CAMK2A: variants seen among roughly 807,000 people sequenced by gnomAD.
The protein encoded by CAMK2A is calcium/calmodulin-dependent protein kinase type II subunit alpha.
A neutral mutation model predicts 79.2 loss-of-function variants in CAMK2A; 7 were observed. That is an observed-to-expected ratio of 0.09 (90% CI 0.05 to 0.17). The LOEUF is 0.17. CAMK2A is among the 10% of genes least tolerant of loss of function. The pLI is 1.00. For missense variants in CAMK2A, 214 were observed against 646.4 expected, an observed-to-expected ratio of 0.33 and a Z score of 7.25; for synonymous variants, 242 against 251.7, an observed-to-expected ratio of 0.96 and a Z score of 0.36.
chr5:150,221,583 C>A lies in CAMK2A; in HGVS notation c.*1127G>T, dbSNP rs948203213. 6 of 398,586 alleles carry A rather than the reference C, an allele frequency of 1.5e-5. No individual in the cohort carries two copies. Among genetic ancestry groups the A allele is most frequent in the Non-Finnish European group, 2.7e-5 (6 of 226,066 alleles). 24.7% of individuals were successfully genotyped at this position (398,586 alleles called of 1,614,324 possible). A position where few individuals can be genotyped will look rare whatever the true frequency, so the allele number is the denominator to read the frequency against. ...GCCTCCCTCCTCCTCTCTGCCCTGA[C>A]TTGCTGTTCCTGAGTCAGTGCTGGC... On this transcript the variant is annotated 3_prime_UTR_variant, in exon 19 of 19. Coordinates refer to ENST00000671881, the MANE Select transcript of CAMK2A (RefSeq NM_015981.4).
chr5:150,239,553 A>G, intron 14 of CAMK2A, 151 bp downstream of exon 14: 2 of 715,876 alleles, frequency 2.8e-6, no homozygotes, highest in Non-Finnish European at 2.5e-6. Context: ...CACACACACA[A>G]CACACATATT....
chr5:150,279,218 G>A (rs1462544043), intron 1 of CAMK2A, among the ~76,000 whole-genome samples: 1 of 146,604 alleles, frequency 6.8e-6, no homozygotes, highest in Non-Finnish European at 1.5e-5. Flanking sequence ...TGGGACCAGT[G>A]GAACTGAGCA....
chr5:150,264,922 C>A, intron 3 of CAMK2A, 34 bp downstream of exon 3: 1 of 1,590,044 alleles, frequency 6.3e-7, no homozygotes, highest in African/African-American at 1.3e-5. Flanking sequence ...CAGGGCCTGG[C>A]TCCCCTGCGC....
In CAMK2A at chr5:150,226,810, G is replaced by GT. The variant is rs111420455; in HGVS notation, c.1237+1381dup. 8.2e-3 allele frequency among the ~76,000 whole-genome samples: 1,163 copies of GT among 141,580 alleles called. 14 individuals carry two copies. Among genetic ancestry groups the GT allele is most frequent in the African/African-American group, 0.028 (1,093 of 38,518 alleles). 92.9% of individuals were successfully genotyped at this position (141,580 alleles called of 152,430 possible). A position where few individuals can be genotyped will look rare whatever the true frequency, so the allele number is the denominator to read the frequency against. On this transcript the variant is annotated intron_variant, in intron 17 of 18. Coordinates refer to ENST00000671881, the MANE Select transcript of CAMK2A (RefSeq NM_015981.4). Reference sequence around the variant, plus strand: ...TTTCTATAGGTTTTTTGTTTTTTGTGTTTTTTTTGTGGAGATTGAATCTTG... The same window carrying GT: ...TTTCTATAGGTTTTTTGTTTTTTGTGTTTTTTTTTGTGGAGATTGAATCTTG...
chr5:150,222,831 C>T, intron 18 of CAMK2A, 118 bp from the exon 19 acceptor site: 2 of 1,415,698 alleles, frequency 1.4e-6, no homozygotes, highest in Non-Finnish European at 2.0e-6. Flanking sequence ...CCCAGCTCTT[C>T]CCCCAGACCT....
chr5:150,248,299 T>G (rs559466113), intron 11 of CAMK2A, among the ~76,000 whole-genome samples: 2 of 134,016 alleles, frequency 1.5e-5, no homozygotes, highest in African/African-American at 6.8e-5. Context: ...GATTTTCTCT[T>G]TTTTTTTTTT....
intron 1 of CAMK2A, 146 bp from the exon 2 acceptor site, chr5:150,273,305 C>T: frequency 6.5e-6 from 4 of 619,908 alleles, no homozygotes; most frequent in Non-Finnish European, 1.1e-5. Context: ...TGTGACCCAA[C>T]TCAGGGACAC....
At chr5:150,227,035 G>A (rs1754634298) in intron 17 of CAMK2A, among the ~76,000 whole-genome samples, 1 of 151,968 alleles carries the variant, frequency 6.6e-6, no homozygotes, top group Non-Finnish European at 1.5e-5. Flanking sequence ...GCCTCCCAAA[G>A]TGCTGGGATT....
Position 150,256,677 on chromosome 5 carries a change from G to GT in CAMK2A, c.339-33dup. ...AGAGAGAGAGGAAGGGGTCATGGTG[G>GT]TGTGAGCACAGGCCTCCCCTGGGAA... On this transcript the variant is annotated intron_variant, in intron 5 of 18. Coordinates refer to ENST00000671881, the MANE Select transcript of CAMK2A (RefSeq NM_015981.4). The surrounding 1 kb of genome is among the most constrained non-coding windows in gnomAD (Gnocchi z 4.6). The GT allele has an allele frequency of 5.0e-6, 8 of 1,610,802 alleles. No homozygotes were observed. The highest frequency in any genetic ancestry group is 6.8e-6 in the Non-Finnish European group (8 of 1,177,034).
intron 2 of CAMK2A, among the ~76,000 whole-genome samples, chr5:150,266,892 G>C (rs149331591): frequency 1.9e-4 from 29 of 152,088 alleles, no homozygotes; most frequent in African/African-American, 6.5e-4. Flanking sequence ...AATGAAGAAA[G>C]TTCCAGCCCT....
rs201306787 is a variant in CAMK2A, at chr5:150,256,545, T to C, written c.411+28A>G. The C allele has an allele frequency of 2.9e-4, 449 of 1,572,472 alleles. No individual in the cohort carries two copies. The highest frequency in any genetic ancestry group is 3.6e-4 in the Non-Finnish European group (412 of 1,144,462). ...GCAGAGGAGAGAGGGGCTCCCGGGGTGAGCCACACCCACGGTGGGTTGCTC... is the reference window on the plus strand; with the variant it reads ...GCAGAGGAGAGAGGGGCTCCCGGGGCGAGCCACACCCACGGTGGGTTGCTC... On this transcript the variant is annotated intron_variant, in intron 6 of 18. Transcript: ENST00000671881. The surrounding 1 kb of genome is among the most constrained non-coding windows in gnomAD (Gnocchi z 4.6).
At chr5:150,233,417 A>T (rs1460101320) in intron 15 of CAMK2A, among the ~76,000 whole-genome samples, 1 of 152,198 alleles carries the variant, frequency 6.6e-6, no homozygotes, top group Non-Finnish European at 1.5e-5. Flanking sequence ...CACTGTGAAC[A>T]GCTAATTCCC....
At chr5:150,225,444 G>A (rs1422855718) in intron 17 of CAMK2A, among the ~76,000 whole-genome samples, 1 of 152,208 alleles carries the variant, frequency 6.6e-6, no homozygotes, top group Non-Finnish European at 1.5e-5. Context: ...GAGGTGAGCA[G>A]ATGTTTAAGC....
Position 150,222,631 on chromosome 5 carries a change from C to T in CAMK2A, c.*79G>A. 6.5e-7 allele frequency: 1 copy of T among 1,536,618 alleles called. No individual in the cohort carries two copies. The highest frequency in any genetic ancestry group is 9.0e-7 in the Non-Finnish European group (1 of 1,110,332). On this transcript the variant is annotated 3_prime_UTR_variant, in exon 19 of 19. Transcript: ENST00000671881. ...ATGGGAGAATTCCAGCAAAATCCACCTGGGAGAACCAGCAGCTCCACTCCA... is the reference window on the plus strand; with the variant it reads ...ATGGGAGAATTCCAGCAAAATCCACTTGGGAGAACCAGCAGCTCCACTCCA...
intron 13 of CAMK2A, among the ~76,000 whole-genome samples, chr5:150,241,650 C>T (rs958189534): frequency 3.4e-5 from 5 of 148,774 alleles, no homozygotes; most frequent in Non-Finnish European, 7.5e-5. Flanking sequence ...TCCTTCTTTT[C>T]TTCCTCTCTT....
chr5:150,271,847 T>C (rs1756761576), intron 2 of CAMK2A, among the ~76,000 whole-genome samples: 1 of 152,188 alleles, frequency 6.6e-6, no homozygotes, highest in Non-Finnish European at 1.5e-5. Context: ...ATCACCCCGG[T>C]GTCTTGTTAA....
intron 17 of CAMK2A, among the ~76,000 whole-genome samples, chr5:150,226,864 T>C (rs1008868197): frequency 2.0e-5 from 3 of 150,414 alleles, no homozygotes; most frequent in Admixed American, 6.6e-5. Context: ...ATTGCAGTGG[T>C]GCGATCTTGG....
intron 1 of CAMK2A, among the ~76,000 whole-genome samples, chr5:150,283,786 A>G (rs1287502188): frequency 6.6e-6 from 1 of 152,204 alleles, no homozygotes; most frequent in African/African-American, 2.4e-5. Context: ...CATGTGGTGC[A>G]TGCTGGGCTC....
At chr5:150,263,803 C>T (rs1161339431) in intron 3 of CAMK2A, among the ~76,000 whole-genome samples, 1 of 152,194 alleles carries the variant, frequency 6.6e-6, no homozygotes, top group Non-Finnish European at 1.5e-5. Context: ...TAGGCAGGGG[C>T]TGCTGAAGGC....
Sources: allele counts gnomAD v4.1 joint callset (sites outside exome capture counted in the v4.1 genomes callset), GRCh38; gene constraint gnomAD v4.1.1; non-coding constraint Gnocchi (gnomAD v3.1); transcripts MANE v1.5; gene names NCBI Gene and HGNC (gene_info 2026-07-23, HGNC 2026-07-21).